Variants in ANKMY1 observed in about 807,000 individuals in gnomAD.
ANKMY1 encodes the protein ankyrin repeat and MYND domain containing 1.
Under a neutral mutation model 102.0 loss-of-function variants are expected in ANKMY1, and 98 were observed. The ratio of observed to expected loss-of-function variants is 0.96; its 90% CI spans 0.82 to 1.14. ANKMY1 has a LOEUF of 1.14. Ranked by LOEUF, ANKMY1 falls within the 50% of genes most tolerant of loss-of-function variation. The pLI, the probability that ANKMY1 is intolerant of heterozygous loss-of-function variation, is 0.00. For synonymous variants in ANKMY1, 582 were observed against 559.9 expected (o/e 1.04, Z -0.56); for missense variants, 1,330 against 1,347.6 (o/e 0.99, Z 0.20).
chr2:240,535,828 C>G (rs1223020836), intron 4 of ANKMY1, among the ~76,000 whole-genome samples: 1 of 151,682 alleles, frequency 6.6e-6, no homozygotes, highest in Non-Finnish European at 1.5e-5. Context: ...GAGCAAGACC[C>G]TGCCCCCCAA....
In ANKMY1 at chr2:240,524,073, G is replaced by A. The variant is rs2082862035; in HGVS notation, c.1644C>T (p.Gly548=). The A allele has an allele frequency of 6.2e-7, 1 of 1,613,936 alleles. No homozygotes were observed. Among genetic ancestry groups the A allele is most frequent in the Admixed American group, 1.7e-5 (1 of 60,016 alleles). ...ATTTCGTCTCAGCACTGCACAGACTGCCCCGGTCTGTGTTTCCCAACACGT... is the reference window on the plus strand; with the variant it reads ...ATTTCGTCTCAGCACTGCACAGACTACCCCGGTCTGTGTTTCCCAACACGT... ...LEDVLGNTDR[G]SLCSAETKFE... is the part of the protein sequence containing the mutation. The change falls in exon 8 of 18, where the codon GGC becomes GGT. Residue 548 remains glycine, a synonymous_variant. Transcript: ENST00000401804.
intron 15 of ANKMY1, among the ~76,000 whole-genome samples, chr2:240,483,744 G>T (rs758222675): frequency 5.3e-5 from 8 of 152,076 alleles, no homozygotes; most frequent in Non-Finnish European, 1.0e-4. Flanking sequence ...GTGCAGGTTT[G>T]TTACCTAGGT....
At position 240,557,356 on chromosome 2, in the gene ANKMY1, C is replaced by G; in HGVS notation, c.-17-4G>C. Reference sequence around the variant, plus strand: ...TCCATGTCTGTGGTCTTCCAACCTGCAAGCGACGTCAGGACCGCACATGTG... The same window carrying G: ...TCCATGTCTGTGGTCTTCCAACCTGGAAGCGACGTCAGGACCGCACATGTG... On this transcript the variant is annotated splice_polypyrimidine_tract_variant and splice_region_variant and intron_variant, in intron 1 of 17. Transcript: ENST00000401804. The G allele has an allele frequency of 6.7e-7, 1 of 1,498,182 alleles. No homozygotes were observed. The highest frequency in any genetic ancestry group is 1.3e-5 in the South Asian group (1 of 78,490). 92.8% of individuals were successfully genotyped at this position (1,498,182 alleles called of 1,614,324 possible).
At chr2:240,559,967 A>G (rs1049218144), upstream of ANKMY1, 6 of 152,398 alleles carry the variant, frequency 3.9e-5, no homozygotes, top group Admixed American at 3.3e-4. Flanking sequence ...TTAAATGGCA[A>G]TTTCATGGAC....
At position 240,557,273 on chromosome 2, in the gene ANKMY1, T is replaced by C. The variant is rs770596586; in HGVS notation, c.63A>G (p.Gln21=). 6.3e-7 allele frequency: 1 copy of C among 1,594,554 alleles called. No homozygotes were observed. ...CGCCGCCCTTCCCCTCTAGCGGGCG[T>C]TGGCGGCTGCCAGCCCCAGAGACTT... ...EDEVSGAGSR[Q]RPLEGKGGET... Residue 21 remains glutamine, a synonymous_variant, in exon 2 of 18, where the codon CAA becomes CAG. Transcript: ENST00000401804.
chr2:240,521,086 C>G (rs2082150626), intron 8 of ANKMY1, among the ~76,000 whole-genome samples: 1 of 151,944 alleles, frequency 6.6e-6, no homozygotes, highest in Admixed American at 6.5e-5. Context: ...TCAAGAGAGG[C>G]TGGGACCAGG....
chr2:240,522,004 A>G (rs1224323050), intron 8 of ANKMY1: 2 of 152,240 alleles, frequency 1.3e-5, no homozygotes, highest in Non-Finnish European at 2.9e-5. Context: ...AAAGGAAACT[A>G]AGCAGGTTGT....
chr2:240,558,036 C>G (rs1575411268), upstream of ANKMY1: 5 of 949,028 alleles, frequency 5.3e-6, no homozygotes, highest in Non-Finnish European at 6.3e-6. Flanking sequence ...ATGCCCGCTG[C>G]CACTCTCCGG....
chr2:240,559,627 G>A (rs1159403430), upstream of ANKMY1, among the ~76,000 whole-genome samples: 1 of 152,232 alleles, frequency 6.6e-6, no homozygotes, highest in Non-Finnish European at 1.5e-5. Flanking sequence ...TCCATCCTAG[G>A]AAAGTTGGAG....
rs566005554 is a variant in ANKMY1, at chr2:240,506,169, C to A, written c.2526+1391G>T. 1.8e-3 allele frequency among the ~76,000 whole-genome samples: 268 copies of A among 152,308 alleles called. 1 individual carries two copies. Among genetic ancestry groups the A allele is most frequent in the Non-Finnish European group, 3.3e-3 (224 of 68,028 alleles). On this transcript the variant is annotated intron_variant, in intron 13 of 17. Coordinates refer to ENST00000401804, the MANE Select transcript of ANKMY1 (RefSeq NM_001282771.3). The surrounding 1 kb of genome is among the most constrained non-coding windows in gnomAD (Gnocchi z 4.9). ...GATGAGGCGCTGGGAGCCCCCAACC[C>A]CGGACGAAGGACTATTCTGTATGTT...
intron 9 of ANKMY1, 51 bp from the exon 10 acceptor site, chr2:240,512,993 G>T (rs780688406): frequency 1.5e-5 from 23 of 1,581,750 alleles, no homozygotes; most frequent in Non-Finnish European, 2.0e-5. Context: ...CGTAGGGAGA[G>T]ACAGGTGAGG....
chr2:240,543,472 G>A (rs1463742647), intron 4 of ANKMY1, among the ~76,000 whole-genome samples: 1 of 151,996 alleles, frequency 6.6e-6, no homozygotes, highest in Non-Finnish European at 1.5e-5. Flanking sequence ...TCAGGGTTTG[G>A]CACAGAAGGT....
intron 15 of ANKMY1, among the ~76,000 whole-genome samples, chr2:240,493,760 C>T (rs1298946404): frequency 6.6e-6 from 1 of 152,050 alleles, no homozygotes; most frequent in Non-Finnish European, 1.5e-5. Flanking sequence ...TATCTTTGTG[C>T]CCCAGAGTGG....
chr2:240,536,348 T>A (rs2086735339), intron 4 of ANKMY1, among the ~76,000 whole-genome samples: 1 of 152,134 alleles, frequency 6.6e-6, no homozygotes, highest in African/African-American at 2.4e-5. Context: ...CATGCTCAAC[T>A]GAGCTGAAGG....
At chr2:240,521,626 G>C (rs551371602) in intron 8 of ANKMY1, among the ~76,000 whole-genome samples, 1 of 145,254 alleles carries the variant, frequency 6.9e-6, no homozygotes, top group Non-Finnish European at 1.5e-5. Flanking sequence ...AGCCTCCCAA[G>C]TAGCCGGGAC....
At chr2:240,485,300 C>G (rs2075915521) in intron 15 of ANKMY1, among the ~76,000 whole-genome samples, 1 of 150,134 alleles carries the variant, frequency 6.7e-6, no homozygotes, top group Admixed American at 6.7e-5. Flanking sequence ...TGCACTCCAG[C>G]CTGGGCGACA....
rs138526812 is a variant in ANKMY1 at position 240,553,059 on chromosome 2, T to C, written c.337-2A>G. On this transcript the variant is annotated splice_acceptor_variant, in intron 3 of 17. Transcript: ENST00000401804. LOFTEE classifies it high-confidence loss of function. ...CCGGTAAAACTGCCCATGGTATGAC[T>C]GTGAGATGGAGAAGTTGGTGAGAAA... The C allele has an allele frequency of 1.9e-5, 30 of 1,611,904 alleles. No individual in the cohort carries two copies. In the African/African-American group the frequency reaches 3.1e-4, roughly 16 times the overall value.
At chr2:240,542,169 C>T (rs2089038143) in intron 4 of ANKMY1, among the ~76,000 whole-genome samples, 1 of 145,780 alleles carries the variant, frequency 6.9e-6, no homozygotes, top group Non-Finnish European at 1.5e-5. Context: ...GATTGTACCA[C>T]TGCACTCTAG....
chr2:240,528,717 C>T (rs978115686), intron 5 of ANKMY1, among the ~76,000 whole-genome samples: 4 of 152,136 alleles, frequency 2.6e-5, no homozygotes, highest in African/African-American at 7.2e-5. Flanking sequence ...ACACCAGCCT[C>T]GGGACTCCCC....
Sources: gnomAD v4.1 joint callset for allele counts (sites outside exome capture counted in the v4.1 genomes callset) on GRCh38, gnomAD v4.1.1 for gene constraint, Gnocchi (gnomAD v3.1) non-coding constraint, MANE v1.5 for transcripts, NCBI Gene and HGNC (gene_info 2026-07-23, HGNC 2026-07-21) for gene names.